Variants in RARB observed in about 807,000 individuals in gnomAD.
RARB encodes retinoic acid receptor beta, also known as HBV-activated protein.
In RARB, 17 loss-of-function variants were observed where a neutral mutation model predicts 51.9. That is an observed-to-expected ratio of 0.33 (90% CI 0.22 to 0.49). The LOEUF (loss-of-function observed/expected upper bound fraction) is 0.49. Among genes scored for constraint, RARB ranks in the 20% least tolerant of loss-of-function variants. The pLI, the probability that RARB is intolerant of heterozygous loss-of-function variation, is 0.99. For missense variants in RARB, 369 were observed against 550.8 expected (o/e 0.67, Z 3.30); for synonymous variants, 215 against 195.4 (o/e 1.10, Z -0.84).
chr3:25,448,078 G>A (rs1455362615), intron 1 of RARB, among the ~76,000 whole-genome samples: 6 of 151,890 alleles, frequency 4.0e-5, no homozygotes, highest in Non-Finnish European at 8.8e-5. Flanking sequence ...AGCAGAAATT[G>A]AGGCTCAGAG....
intron 2 of RARB, among the ~76,000 whole-genome samples, chr3:24,991,255 T>A (rs1696903573): frequency 6.6e-6 from 1 of 152,096 alleles, no homozygotes; most frequent in Non-Finnish European, 1.5e-5. Context: ...AGCCTGGTCA[T>A]CATGGCGAAA....
rs1254474861 is a variant in RARB at position 25,327,156 on chromosome 3, A to G, written c.179-134037A>G. ...AGGGAAGAGAGATTTAGATCAGCCC[A>G]GAACGTTTAACATTTGGCTATTAAG... On this transcript the variant is annotated intron_variant, in intron 5 of 11. Transcript: ENST00000383772. Among the ~76,000 whole-genome samples the G allele has an allele frequency of 2.6e-5, 4 of 152,194 alleles. No homozygotes were observed. In the South Asian group the frequency reaches 8.3e-4, roughly 32 times the overall value.
chr3:25,450,912 CG>C (rs34575043), intron 1 of RARB, among the ~76,000 whole-genome samples: 1 of 152,058 alleles, frequency 6.6e-6, no homozygotes, highest in Non-Finnish European at 1.5e-5. Context: ...TGGTGAAACC[CG>C]GTTTCCACTA....
At chr3:24,958,622 A>T (rs1232874826) in intron 2 of RARB, among the ~76,000 whole-genome samples, 1 of 152,206 alleles carries the variant, frequency 6.6e-6, no homozygotes, top group Non-Finnish European at 1.5e-5. Context: ...AATGAGGGGT[A>T]AACCTCATGG....
intron 4 of RARB, among the ~76,000 whole-genome samples, chr3:25,161,633 A>C (rs1700474521): frequency 6.6e-6 from 1 of 152,302 alleles, no homozygotes; most frequent in African/African-American, 2.4e-5. Flanking sequence ...TAAAACACTC[A>C]TCATTCTCTT....
intron 5 of RARB, among the ~76,000 whole-genome samples, chr3:25,223,487 TA>T (rs764085518): frequency 2.6e-5 from 4 of 152,190 alleles, no homozygotes; most frequent in African/African-American, 4.8e-5. Flanking sequence ...TATTCCAATA[TA>T]TTTTTTTAAT....
intron 3 of RARB, among the ~76,000 whole-genome samples, chr3:25,523,153 C>T (rs1698480648): frequency 1.3e-5 from 2 of 152,156 alleles, no homozygotes; most frequent in South Asian, 4.1e-4. Flanking sequence ...CAGTAAGTTT[C>T]CCCAATGTTG....
intron 2 of RARB, among the ~76,000 whole-genome samples, chr3:25,006,021 T>C (rs1017135964): frequency 6.6e-6 from 1 of 152,102 alleles, no homozygotes; most frequent in Non-Finnish European, 1.5e-5. Flanking sequence ...ACCTCAGGGC[T>C]TTTGCACTCA....
intron 5 of RARB, among the ~76,000 whole-genome samples, chr3:25,407,569 T>C (rs1707445816): frequency 6.6e-6 from 1 of 152,146 alleles, no homozygotes; most frequent in Non-Finnish European, 1.5e-5. Flanking sequence ...CTCTCCCCTT[T>C]TTATGCCTAT....
chr3:24,988,235 A>C (rs1696835953), intron 2 of RARB, among the ~76,000 whole-genome samples: 2 of 152,158 alleles, frequency 1.3e-5, no homozygotes, highest in Admixed American at 1.3e-4. Context: ...CTTGTTGACC[A>C]TTTGGGATAA....
chr3:25,435,083 A>C (rs1344239640), intron 1 of RARB, among the ~76,000 whole-genome samples: 1 of 152,204 alleles, frequency 6.6e-6, no homozygotes, highest in Non-Finnish European at 1.5e-5. Context: ...ATTTCTTAAA[A>C]TTCACAGATT....
At chr3:24,962,726 G>A (rs974069296) in intron 2 of RARB, among the ~76,000 whole-genome samples, 2 of 152,160 alleles carry the variant, frequency 1.3e-5, no homozygotes, top group Admixed American at 1.3e-4. Context: ...GATCTGAGGT[G>A]GAACAGTTTC....
chr3:24,941,031 A>G (rs747227774), intron 2 of RARB, among the ~76,000 whole-genome samples: 29 of 152,164 alleles, frequency 1.9e-4, no homozygotes, highest in Non-Finnish European at 4.0e-4. Context: ...ATATTGAAAT[A>G]GAACTCCCTT....
At chr3:24,998,544 G>A (rs528871262) in intron 2 of RARB, among the ~76,000 whole-genome samples, 1 of 152,056 alleles carries the variant, frequency 6.6e-6, no homozygotes, top group Admixed American at 6.6e-5. Flanking sequence ...CAGAACAGCT[G>A]TTTGAAGGCC....
chr3:25,232,709 A>G (rs1057394050), intron 5 of RARB, among the ~76,000 whole-genome samples: 1 of 152,140 alleles, frequency 6.6e-6, no homozygotes, highest in Admixed American at 6.5e-5. Flanking sequence ...GCAACTTACA[A>G]TTATTCAACT....
chr3:24,995,428 C>T (rs771453584), intron 2 of RARB, among the ~76,000 whole-genome samples: 1 of 151,982 alleles, frequency 6.6e-6, no homozygotes, highest in Non-Finnish European at 1.5e-5. Context: ...ACTAATTTGG[C>T]TTCTTCCTTT....
intron 3 of RARB, among the ~76,000 whole-genome samples, chr3:25,113,994 A>C (rs1699645342): frequency 1.3e-5 from 2 of 152,180 alleles, no homozygotes; most frequent in Non-Finnish European, 2.9e-5. Context: ...GAATCAACCC[A>C]AAAAGTTTGA....
chr3:25,115,299 T>C (rs1699667574), intron 3 of RARB, among the ~76,000 whole-genome samples: 1 of 152,220 alleles, frequency 6.6e-6, no homozygotes, highest in South Asian at 2.1e-4. Context: ...TGTTACCATT[T>C]AATTGGCAGT....
At chr3:25,027,916 G>A (rs1697785019) in intron 2 of RARB, among the ~76,000 whole-genome samples, 1 of 152,058 alleles carries the variant, frequency 6.6e-6, no homozygotes, top group Non-Finnish European at 1.5e-5. Flanking sequence ...AAAGAAAAAC[G>A]ATGGTTGTGC....
Sources: allele counts gnomAD v4.1 joint callset (sites outside exome capture counted in the v4.1 genomes callset), GRCh38; gene constraint gnomAD v4.1.1; transcripts MANE v1.5; gene names NCBI Gene and HGNC (gene_info 2026-07-23, HGNC 2026-07-21).